The following ZNF571 variants were observed in gnomAD, a reference collection of about 807,000 sequenced individuals.
ZNF571 encodes the protein zinc finger protein 571.
A neutral mutation model predicts 7.7 loss-of-function variants in ZNF571; 4 were observed. That is an observed-to-expected ratio of 0.52 (90% CI 0.25 to 1.18). The LOEUF is 1.18. ZNF571 is among the 50% of genes most tolerant of loss of function. The pLI is 0.14. For synonymous variants in ZNF571, 251 were observed against 232.4 expected (o/e 1.08, Z -0.73); for missense variants, 704 against 726.9 (o/e 0.97, Z 0.36).
intron 1 of ZNF571, among the ~76,000 whole-genome samples, chr19:37,592,307 G>A (rs959484661): frequency 1.3e-5 from 2 of 152,068 alleles, no homozygotes; most frequent in Admixed American, 6.5e-5. Context: ...TAACCTTTAG[G>A]TCAGTGCTTC....
chr19:37,591,191 G>GTA (rs769687770), intron 1 of ZNF571, among the ~76,000 whole-genome samples: 1 of 152,200 alleles, frequency 6.6e-6, no homozygotes, highest in Non-Finnish European at 1.5e-5. Flanking sequence ...ACTGTACACT[G>GTA]TATACCACAA....
rs73932913 is a variant in ZNF571, at chr19:37,569,417, A to C, written c.137-3126T>G. On this transcript the variant is annotated intron_variant, in intron 3 of 3. Transcript: ENST00000451802. The surrounding 1 kb of genome is among the most constrained non-coding windows in gnomAD (Gnocchi z 4.4). ...TGCAAAAATTGGAGGGATAAAATCT[A>C]AACTCTTCTGCAGTATTTTTCAAAC... Among the ~76,000 whole-genome samples, 38 of 152,336 alleles carry C rather than the reference A, an allele frequency of 2.5e-4. No individual in the cohort carries two copies. Among genetic ancestry groups the C allele is most frequent in the African/African-American group, 9.1e-4 (38 of 41,574 alleles).
At position 37,566,263 on chromosome 19, in the gene ZNF571, C is replaced by T. The variant is rs760505428; in HGVS notation, c.165G>A (p.Lys55=). 1.9e-6 allele frequency: 3 copies of T among 1,612,474 alleles called. No homozygotes were observed. Among genetic ancestry groups the T allele is most frequent in the African/African-American group, 1.3e-5 (1 of 74,882 alleles). Residue 55 remains lysine (K), a synonymous_variant, in exon 4 of 4, where the codon AAG becomes AAA. Transcript: ENST00000451802. ...LDLESSCVTK[K]LSPEKEIYEM... ...CATAAATTTCCTTTTCTGGAGATAA[C>T]TTTTTGGTCACACAACTGGATTCCA...
At chr19:37,592,871 A>C (rs2043907609) in intron 1 of ZNF571, among the ~76,000 whole-genome samples, 2 of 152,170 alleles carry the variant, frequency 1.3e-5, no homozygotes, top group Admixed American at 1.3e-4. Flanking sequence ...TTTTTCTACA[A>C]ATCAACAGCA....
At chr19:37,572,021 GTACATTAGTCCTA>G (rs1255686857) in intron 3 of ZNF571, among the ~76,000 whole-genome samples, 12 of 9,950 alleles carry the variant, frequency 1.2e-3, no homozygotes, top group South Asian at 0.01. Context: ...GCCATAATTA[GTACATTAGTCCTA>G]TCTATCAATC....
At position 37,565,176 on chromosome 19, in the gene ZNF571, G is replaced by C. The variant is rs1660007630; in HGVS notation, c.1252C>G (p.Pro418Ala). 6.2e-7 allele frequency: 1 copy of C among 1,613,444 alleles called. No homozygotes were observed. Residue 418 changes from proline to alanine, a missense_variant, in exon 4 of 4, where the codon CCC becomes GCC. Transcript: ENST00000451802. ...TTTCCACATTCCTTACATTTGTAGG[G>C]CTTCTCTCCGGTATGAATTCTTTGA... The part of the protein sequence containing the change: ...QHQRIHTGEK[P>A]YKCKECGKAF...
chr19:37,565,988 CCTT>C lies in ZNF571; in HGVS notation c.437_439del (p.Gln146_Gly147delinsArg). On this transcript the variant is annotated inframe_deletion, in exon 4 of 4. Transcript: ENST00000451802. ...AATAAGGCATGACAGGTAGCTGAAACCTTGTCTGCATTCCTTACATTTGTACAA... is the reference window on the plus strand; with the variant it reads ...AATAAGGCATGACAGGTAGCTGAAACGTCTGCATTCCTTACATTTGTACAA... 1 of 1,613,860 alleles carries C rather than the reference CCTT, an allele frequency of 6.2e-7. No individual in the cohort carries two copies. Among genetic ancestry groups the C allele is most frequent in the South Asian group, 1.1e-5 (1 of 91,076 alleles).
chr19:37,593,804 T>G (rs1029472582), intron 1 of ZNF571, among the ~76,000 whole-genome samples: 8 of 152,046 alleles, frequency 5.3e-5, no homozygotes, highest in African/African-American at 1.7e-4. Flanking sequence ...AGAGCTAAAC[T>G]GATGATCCCA....
At chr19:37,566,451 GAAT>G (rs1454898687) in intron 3 of ZNF571, 160 bp from the exon 4 acceptor site, 1 of 776,338 alleles carries the variant, frequency 1.3e-6, no homozygotes, top group Non-Finnish European at 1.9e-6. Context: ...CACAAGGAGA[GAAT>G]AAAGAAAAAG....
chr19:37,593,591 T>C (rs1311170279), intron 1 of ZNF571, among the ~76,000 whole-genome samples: 2 of 152,002 alleles, frequency 1.3e-5, no homozygotes, highest in Admixed American at 6.6e-5. Context: ...TAGTCCCAGC[T>C]ACTCGGGAGG....
At chr19:37,570,987 C>G (rs1239697382) in intron 3 of ZNF571, among the ~76,000 whole-genome samples, 3 of 152,138 alleles carry the variant, frequency 2.0e-5, no homozygotes, top group East Asian at 1.9e-4. Context: ...AATCTACTAA[C>G]AGTATATAGC....
chr19:37,565,230 A>T lies in ZNF571; in HGVS notation c.1198T>A (p.Phe400Ile), dbSNP rs141392708. Residue 400 changes from phenylalanine (F) to isoleucine (I), a missense_variant, in exon 4 of 4, where the codon TTT becomes ATT. Transcript: ENST00000451802. Reference protein sequence around the residue: ...PYKCKECGKAFISNSNLIQHQ... With the variant: ...PYKCKECGKAIISNSNLIQHQ... ...TGAATAAGATTAGAATTAGAAATAAAGGCTTTCCCACATTCTTTGCATTTA... is the reference window on the plus strand; with the variant it reads ...TGAATAAGATTAGAATTAGAAATAATGGCTTTCCCACATTCTTTGCATTTA... 189 of 1,613,368 alleles carry T rather than the reference A, an allele frequency of 1.2e-4. 1 individual carries two copies. In the African/African-American group the frequency reaches 2.2e-3, roughly 19 times the overall value.
At chr19:37,580,538 C>G (rs896256233) in intron 3 of ZNF571, among the ~76,000 whole-genome samples, 4 of 152,118 alleles carry the variant, frequency 2.6e-5, no homozygotes, top group Non-Finnish European at 5.9e-5. Flanking sequence ...TTGTACCCAC[C>G]AAATCTCATG....
rs201763648 is a variant in ZNF571, at chr19:37,565,242, A to T, written c.1186T>A (p.Cys396Ser). Residue 396 changes from cysteine (C) to serine (S), a missense_variant, in exon 4 of 4, where the codon TGT (cysteine) becomes AGT (serine). Physicochemically the swap from Cys to Ser is moderately radical, Grantham distance 112. Coordinates refer to ENST00000451802, the MANE Select transcript of ZNF571 (RefSeq NM_016536.5). The part of the protein sequence containing the change: ...SGERPYKCKE[C>S]GKAFISNSNL... ...GAATTAGAAATAAAGGCTTTCCCAC[A>T]TTCTTTGCATTTATAAGGTCTCTCA... is the stretch of plus-strand genomic sequence containing the variant. 36 of 1,612,754 alleles carry T rather than the reference A, an allele frequency of 2.2e-5. 1 individual carries two copies. The highest frequency in any genetic ancestry group is 3.3e-5 in the South Asian group (3 of 90,812).
intron 3 of ZNF571, among the ~76,000 whole-genome samples, chr19:37,568,339 C>T (rs1412523586): frequency 7.0e-6 from 1 of 142,490 alleles, no homozygotes; most frequent in East Asian, 2.4e-4. Flanking sequence ...TTGCCATATA[C>T]ACACCACAGC....
At position 37,565,413 on chromosome 19, in the gene ZNF571, CT is replaced by C; in HGVS notation, c.1014del (p.Glu339AsnfsTer12). The part of the protein sequence containing the change: ...VHTGEKPYIC[K>X]ECGKAFLCAS... ...GCACATAAAAAGGCTTTCCCACATT[CT>C]TTACATATGTAAGGCTTTTCACCAG... On this transcript the variant is annotated frameshift_variant, in exon 4 of 4. Transcript: ENST00000451802. LOFTEE classifies it low-confidence loss of function (END_TRUNC). 1 of 1,613,588 alleles carries C rather than the reference CT, an allele frequency of 6.2e-7. No individual in the cohort carries two copies. The highest frequency in any genetic ancestry group is 8.5e-7 in the Non-Finnish European group (1 of 1,179,842).
At chr19:37,571,444 C>T (rs573475550) in intron 3 of ZNF571, among the ~76,000 whole-genome samples, 23 of 151,616 alleles carry the variant, frequency 1.5e-4, no homozygotes, top group African/African-American at 3.1e-4. Context: ...TGCAGTGAGC[C>T]GAGATCACAC....
intron 2 of ZNF571, chr19:37,585,783 T>C (rs2043651829): frequency 6.6e-6 from 1 of 152,160 alleles, no homozygotes; most frequent in South Asian, 2.1e-4. Flanking sequence ...AGAAGTGCAA[T>C]TAAATTAAGG....
At chr19:37,587,002 A>G in intron 1 of ZNF571, 1 of 312,370 alleles carries the variant, frequency 3.2e-6, no homozygotes, top group Non-Finnish European at 5.8e-6. Flanking sequence ...ATGCCCAGGG[A>G]GCCCCCCACC....
Sources: gnomAD v4.1 joint callset for allele counts (sites outside exome capture counted in the v4.1 genomes callset) on GRCh38, gnomAD v4.1.1 for gene constraint, Gnocchi (gnomAD v3.1) non-coding constraint, MANE v1.5 for transcripts, NCBI Gene and HGNC (gene_info 2026-07-23, HGNC 2026-07-21) for gene names.